VWF: variants seen among roughly 807,000 people sequenced by gnomAD.
The protein encoded by VWF is Factor VIII related antigen.
A neutral mutation model predicts 308.6 loss-of-function variants in VWF; 176 were observed. That is an observed-to-expected ratio of 0.57 (90% CI 0.50 to 0.65). The LOEUF is 0.65. VWF is among the 30% of genes least tolerant of loss of function. The pLI is 0.00. For missense variants in VWF, 3,146 were observed against 3,648.2 expected (o/e 0.86, Z 3.55); for synonymous variants, 1,385 against 1,443.4 (o/e 0.96, Z 0.92).
intron 34 of VWF, among the ~76,000 whole-genome samples, chr12:6,010,861 G>A (rs1943985292): frequency 1.3e-5 from 2 of 152,302 alleles, no homozygotes; most frequent in African/African-American, 2.4e-5. Flanking sequence ...TGGGTATCTA[G>A]TTATCAACTG....
intron 10 of VWF, among the ~76,000 whole-genome samples, chr12:6,070,857 C>T (rs74967288): frequency 0.065 from 9,933 of 152,220 alleles, 1,084 homozygotes; most frequent in African/African-American, 0.22. Context: ...TCTTGGACCA[C>T]GCCATGGTCT....
At chr12:5,959,976 G>T (rs1943294013) in intron 47 of VWF, among the ~76,000 whole-genome samples, 1 of 149,436 alleles carries the variant, frequency 6.7e-6, no homozygotes, top group African/African-American at 2.4e-5. Flanking sequence ...AATAAGGGCA[G>T]AAATCAATAA....
chr12:5,975,855 C>G (rs1179952594), intron 43 of VWF, among the ~76,000 whole-genome samples: 1 of 152,022 alleles, frequency 6.6e-6, no homozygotes, highest in Non-Finnish European at 1.5e-5. Flanking sequence ...TTCTTCTTAC[C>G]CAGCCCTAAC....
At chr12:5,959,202 T>A (rs1389186843) in intron 47 of VWF, among the ~76,000 whole-genome samples, 1 of 152,154 alleles carries the variant, frequency 6.6e-6, no homozygotes, top group Admixed American at 6.5e-5. Context: ...AGTGAGATCC[T>A]ATCTCAAAAA....
At chr12:6,123,329 C>G (rs1945451764) in intron 1 of VWF, 133 bp from the exon 2 acceptor site, 1 of 1,084,882 alleles carries the variant, frequency 9.2e-7, no homozygotes, top group Admixed American at 1.9e-5. Flanking sequence ...TCGTGACCCC[C>G]TTTTCCCCTT....
chr12:6,080,082 G>T (rs1239885990), intron 6 of VWF, among the ~76,000 whole-genome samples: 1 of 151,946 alleles, frequency 6.6e-6, no homozygotes, highest in Non-Finnish European at 1.5e-5. Flanking sequence ...TCCTTTTCCA[G>T]GAAGGCTTCT....
chr12:6,011,031 C>T (rs561218550), intron 34 of VWF, among the ~76,000 whole-genome samples: 1 of 152,292 alleles, frequency 6.6e-6, no homozygotes, highest in East Asian at 1.9e-4. Flanking sequence ...GATTGCATCC[C>T]ACCAGTTATG....
At chr12:5,992,620 A>G (rs1385991463) in intron 37 of VWF, among the ~76,000 whole-genome samples, 2 of 152,196 alleles carry the variant, frequency 1.3e-5, no homozygotes, top group African/African-American at 2.4e-5. Flanking sequence ...TTTTGAATAC[A>G]TATGTCTTTT....
intron 44 of VWF, among the ~76,000 whole-genome samples, chr12:5,971,265 T>C (rs990256883): frequency 6.6e-6 from 1 of 152,218 alleles, no homozygotes; most frequent in African/African-American, 2.4e-5. Context: ...GAACAGTACT[T>C]GCAGCCTGTG....
Position 5,994,584 on chromosome 12 carries a change from G to C in VWF, c.6087C>G (p.Val2029=), listed in dbSNP as rs371791695. ...DMEVTVNGRL[V]SVPYVGGNME... ...TGTTCCCACCCACGTAAGGAACAGA[G>C]ACCAGTCTCCCATTCACCGTCACCT... The change falls in exon 36 of 52, where the codon GTC becomes GTG. Residue 2029 remains valine, a synonymous_variant. Coordinates refer to ENST00000261405, the MANE Select transcript of VWF (RefSeq NM_000552.5). 35 of 1,613,820 alleles carry C rather than the reference G, an allele frequency of 2.2e-5. No homozygotes were observed. The African/African-American group carries it at 2.3e-4, about 10-fold the overall frequency.
chr12:6,023,832 A>C, intron 24 of VWF, 45 bp from the exon 25 acceptor site: 1 of 1,604,676 alleles, frequency 6.2e-7, no homozygotes, highest in Non-Finnish European at 8.5e-7. Flanking sequence ...GCCAGGTGTC[A>C]GGAACTCTGG....
At position 5,976,880 on chromosome 12, in the gene VWF, G is replaced by A. The variant is rs113853339; in HGVS notation, c.7288-620C>T. ...GAAACGTGGAAAGTCTGGGATGCAC[G>A]CCACAGACAATGCTCGGACATCCTT... On this transcript the variant is annotated intron_variant, in intron 42 of 51. Transcript: ENST00000261405. 2.8e-3 allele frequency among the ~76,000 whole-genome samples: 427 copies of A among 152,286 alleles called. 3 individuals are homozygous for A. The highest frequency in any genetic ancestry group is 9.3e-3 in the African/African-American group (387 of 41,566).
intron 48 of VWF, 100 bp downstream of exon 48, chr12:5,953,396 T>A: frequency 1.1e-6 from 1 of 886,982 alleles, no homozygotes; most frequent in South Asian, 1.3e-5. Context: ...AAGAAGCCAA[T>A]ACTGAACCAA....
intron 6 of VWF, among the ~76,000 whole-genome samples, chr12:6,092,576 G>T (rs1945049966): frequency 7.3e-6 from 1 of 137,214 alleles, no homozygotes; most frequent in African/African-American, 3.2e-5. Context: ...GTGTGTGCGT[G>T]CGTGCATGCC....
chr12:6,040,029 T>G (rs138601219), intron 18 of VWF, among the ~76,000 whole-genome samples: 1 of 152,276 alleles, frequency 6.6e-6, no homozygotes, highest in Admixed American at 6.5e-5. Context: ...TATGAAGGCT[T>G]GACCCGGCTC....
At chr12:5,968,068 C>T in intron 46 of VWF, 59 bp downstream of exon 46, 1 of 1,610,096 alleles carries the variant, frequency 6.2e-7, no homozygotes, top group East Asian at 2.2e-5. Context: ...GCTCCCCTTC[C>T]CACAGTACCC....
At position 6,031,539 on chromosome 12, in the gene VWF, C is replaced by T. The variant is rs1199238081; in HGVS notation, c.2725G>A (p.Val909Met). ...GGGTGGCTGCATCCCTTATTCCCCA[C>T]TAGGATCCGAAAGGTCCCAGGGTTA... ...GSNPGTFRIL[V>M]GNKGCSHPSV... is the part of the protein sequence containing the mutation. The change falls in exon 21 of 52, where the codon GTG (valine) becomes ATG (methionine). Residue 909 changes from valine to methionine, a missense_variant. Val to Met is a conservative substitution (Grantham distance 21). This residue lies in a region of VWF where 1,304 missense variants were observed against 1,353.0 expected (regional missense o/e 0.96). Transcript: ENST00000261405. 1 of 1,614,044 alleles carries T rather than the reference C, an allele frequency of 6.2e-7. No homozygotes were observed. Among genetic ancestry groups the T allele is most frequent in the African/African-American group, 1.3e-5 (1 of 74,904 alleles).
At chr12:6,079,467 G>A (rs1042068919) in intron 6 of VWF, among the ~76,000 whole-genome samples, 5 of 151,998 alleles carry the variant, frequency 3.3e-5, no homozygotes, top group South Asian at 2.1e-4. Flanking sequence ...AAAATTAGCC[G>A]GGCATGGTGG....
chr12:6,065,069 A>G (rs1664909687), intron 11 of VWF, 68 bp downstream of exon 11: 1 of 1,610,582 alleles, frequency 6.2e-7, no homozygotes, highest in African/African-American at 1.3e-5. Context: ...GGGACTGCCC[A>G]TTCAGCCTAG....
Sources: allele counts gnomAD v4.1 joint callset (sites outside exome capture counted in the v4.1 genomes callset), GRCh38; gene constraint gnomAD v4.1.1; regional missense constraint gnomAD v4.1.1; transcripts MANE v1.5; gene names NCBI Gene and HGNC (gene_info 2026-07-23, HGNC 2026-07-21).